GNAQ: variants seen among roughly 807,000 people sequenced by gnomAD.
The protein encoded by GNAQ is G protein subunit alpha q.
In GNAQ, 8 loss-of-function variants were observed where a neutral mutation model predicts 43.9. The ratio of observed to expected loss-of-function variants is 0.18; its 90% confidence interval spans 0.11 to 0.33. The LOEUF (loss-of-function observed/expected upper bound fraction) is 0.33, where lower values mean the gene tolerates loss of function less well. Among genes scored for constraint, GNAQ ranks in the 10% least tolerant of loss-of-function variants. The probability of loss-of-function intolerance (pLI) is 1.00; values close to 1 mark genes in which losing one functional copy is unlikely to be tolerated. For missense variants in GNAQ, 158 were observed against 450.8 expected (o/e 0.35, Z 5.88); for synonymous variants, 155 against 170.7 (o/e 0.91, Z 0.71).
chr9:77,743,139 T>G (rs1825678718), intron 5 of GNAQ, among the ~76,000 whole-genome samples: 1 of 152,114 alleles, frequency 6.6e-6, no homozygotes, highest in African/African-American at 2.4e-5. Context: ...GAGCCTGTAG[T>G]CCCAGCTACT....
intron 5 of GNAQ, among the ~76,000 whole-genome samples, chr9:77,784,269 A>T (rs1247121369): frequency 6.6e-6 from 1 of 152,148 alleles, no homozygotes; most frequent in African/African-American, 2.4e-5. Context: ...CAGTGTATAC[A>T]ATTTATATTT....
intron 6 of GNAQ, among the ~76,000 whole-genome samples, chr9:77,727,375 A>C (rs1407663007): frequency 1.3e-5 from 2 of 152,188 alleles, no homozygotes; most frequent in Non-Finnish European, 1.5e-5. Context: ...TAGTGGCTAC[A>C]TGTGGATGCA....
rs574813920 is a variant in GNAQ at position 78,027,071 on chromosome 9, T to C, written c.136+4029A>G. Among the ~76,000 whole-genome samples the C allele has an allele frequency of 1.2e-4, 18 of 152,342 alleles. No individual in the cohort carries two copies. In the South Asian group the frequency reaches 2.3e-3, roughly 19 times the overall value. ...AATATAGAATGGTTTTTCTTTTCTT[T>C]AAACTTTCATACTTTAAGCATGACT... On this transcript the variant is annotated intron_variant, in intron 1 of 6. Coordinates refer to ENST00000286548, the MANE Select transcript of GNAQ (RefSeq NM_002072.5).
At chr9:77,794,349 A>T in intron 5 of GNAQ, 114 bp downstream of exon 5, 1 of 691,274 alleles carries the variant, frequency 1.4e-6, no homozygotes, top group Non-Finnish European at 2.3e-6. Context: ...CCTAAAATCA[A>T]ATTTCAAGAA....
At chr9:77,826,558 G>T (rs909720622) in intron 2 of GNAQ, among the ~76,000 whole-genome samples, 1 of 152,172 alleles carries the variant, frequency 6.6e-6, no homozygotes, top group Non-Finnish European at 1.5e-5. Context: ...CACGCCTTAA[G>T]TGCCAAATGG....
At chr9:77,954,021 T>A (rs1823012968) in intron 1 of GNAQ, among the ~76,000 whole-genome samples, 2 of 152,238 alleles carry the variant, frequency 1.3e-5, no homozygotes, top group African/African-American at 2.4e-5. Context: ...CATAAAAACA[T>A]ATTTTCTTCC....
At chr9:77,996,679 AAAAAAAAAAAAAAAAAAG>A (rs1035301634) in intron 1 of GNAQ, among the ~76,000 whole-genome samples, 3 of 23,650 alleles carry the variant, frequency 1.3e-4, no homozygotes, top group Non-Finnish European at 4.2e-4. Context: ...CTCCATCTCA[AAAAAAAAAAAAAAAAAAG>A]AAAAAAGAAA....
At chr9:77,844,731 G>A (rs1827551268) in intron 2 of GNAQ, among the ~76,000 whole-genome samples, 1 of 151,954 alleles carries the variant, frequency 6.6e-6, no homozygotes, top group Admixed American at 6.6e-5. Context: ...GGAGTGCAAT[G>A]GCATGATCTC....
chr9:77,730,926 T>C (rs1215065695), intron 5 of GNAQ, among the ~76,000 whole-genome samples: 1 of 152,182 alleles, frequency 6.6e-6, no homozygotes, highest in Non-Finnish European at 1.5e-5. Context: ...AATTAGATAG[T>C]GACATCCCTG....
intron 1 of GNAQ, among the ~76,000 whole-genome samples, chr9:77,972,725 G>A (rs1365305883): frequency 2.6e-5 from 4 of 152,022 alleles, no homozygotes; most frequent in Non-Finnish European, 2.9e-5. Context: ...AGGCCGAGGC[G>A]GGTGGATCGA....
chr9:77,767,589 G>C (rs1047685615), intron 5 of GNAQ, among the ~76,000 whole-genome samples: 1 of 152,198 alleles, frequency 6.6e-6, no homozygotes, highest in Non-Finnish European at 1.5e-5. Context: ...AACAATGAGT[G>C]TAACTTTTTA....
rs1278036482 is a variant in GNAQ, at chr9:77,719,853, A to G, written c.*1470T>C. 8.6e-6 allele frequency: 2 copies of G among 232,566 alleles called. No individual in the cohort carries two copies. The highest frequency in any genetic ancestry group is 1.7e-5 in the Non-Finnish European group (2 of 117,720). The allele number at this position is 232,566 out of a possible 1,614,324, so 14.4% of individuals were successfully genotyped here. A position where few individuals can be genotyped will look rare whatever the true frequency, so the allele number is the denominator to read the frequency against. On this transcript the variant is annotated 3_prime_UTR_variant, in exon 7 of 7. Coordinates refer to ENST00000286548, the MANE Select transcript of GNAQ (RefSeq NM_002072.5). ...ACACTGAGAGGTTACTTTTGAGTTAAGTCCACAAATCTTCCATAAGTTCAA... is the reference window on the plus strand; with the variant it reads ...ACACTGAGAGGTTACTTTTGAGTTAGGTCCACAAATCTTCCATAAGTTCAA...
chr9:77,821,463 G>A (rs1024946857), intron 2 of GNAQ, among the ~76,000 whole-genome samples: 3 of 151,464 alleles, frequency 2.0e-5, no homozygotes, highest in Admixed American at 6.6e-5. Context: ...TTGGTTCTTT[G>A]CTTAACATTT....
At chr9:77,948,785 C>T (rs1372239687) in intron 1 of GNAQ, among the ~76,000 whole-genome samples, 2 of 152,140 alleles carry the variant, frequency 1.3e-5, no homozygotes, top group African/African-American at 2.4e-5. Flanking sequence ...AATGAATATT[C>T]CTACAGCCAC....
intron 1 of GNAQ, among the ~76,000 whole-genome samples, chr9:78,023,305 C>G (rs564675546): frequency 3.7e-4 from 56 of 152,286 alleles, no homozygotes; most frequent in Admixed American, 1.4e-3. Flanking sequence ...CACCCAACTT[C>G]CCCTCTCACC....
chr9:77,813,982 C>T (rs1826970773), intron 3 of GNAQ, among the ~76,000 whole-genome samples: 1 of 151,968 alleles, frequency 6.6e-6, no homozygotes, highest in Non-Finnish European at 1.5e-5. Context: ...TAAGAGAGAG[C>T]CAGAGAGATT....
At chr9:77,816,664 A>C (rs1047041095) in intron 2 of GNAQ, among the ~76,000 whole-genome samples, 11 of 152,312 alleles carry the variant, frequency 7.2e-5, no homozygotes, top group South Asian at 2.1e-4. Context: ...AACTAAGCAC[A>C]AATAACTAAT....
intron 5 of GNAQ, among the ~76,000 whole-genome samples, chr9:77,768,135 A>G (rs1170832870): frequency 6.6e-6 from 1 of 152,228 alleles, no homozygotes; most frequent in Non-Finnish European, 1.5e-5. Flanking sequence ...AAGGTCAAAC[A>G]GCTAGACAGT....
intron 1 of GNAQ, among the ~76,000 whole-genome samples, chr9:78,026,800 T>C (rs1823985683): frequency 6.6e-6 from 1 of 152,222 alleles, no homozygotes; most frequent in Admixed American, 6.5e-5. Flanking sequence ...TCTAAAACTG[T>C]ATAGCTTTCA....
Sources: gnomAD v4.1 joint callset for allele counts (sites outside exome capture counted in the v4.1 genomes callset) on GRCh38, gnomAD v4.1.1 for gene constraint, MANE v1.5 for transcripts, NCBI Gene and HGNC (gene_info 2026-07-23, HGNC 2026-07-21) for gene names.